The following GALNT13 variants were observed in gnomAD, a reference collection of about 807,000 sequenced individuals.
GALNT13 encodes UDP-GalNAc:polypeptide N-acetylgalactosaminyltransferase 13.
A neutral mutation model predicts 64.2 loss-of-function variants in GALNT13; 28 were observed. The observed-to-expected ratio is 0.44, with a 90% confidence interval of 0.32 to 0.60. The LOEUF is 0.60. Among genes scored for constraint, GALNT13 ranks in the 20% least tolerant of loss-of-function variants. The pLI is 0.05. For missense variants in GALNT13, 577 were observed against 669.8 expected (o/e 0.86, Z 1.53); for synonymous variants, 214 against 224.6 (o/e 0.95, Z 0.42).
intron 11 of GALNT13, among the ~76,000 whole-genome samples, chr2:154,413,320 A>G (rs1215742469): frequency 6.6e-6 from 1 of 151,940 alleles, no homozygotes; most frequent in Non-Finnish European, 1.5e-5. Flanking sequence ...CAACACTTCT[A>G]TGGAAAAATG....
chr2:154,396,172 C>CA (rs1351047672), intron 10 of GALNT13, 42 bp downstream of exon 10: 5 of 1,390,800 alleles, frequency 3.6e-6, no homozygotes, highest in Admixed American at 2.5e-5. Flanking sequence ...ATATATTTTG[C>CA]AAATGGAGCA....
intron 3 of GALNT13, among the ~76,000 whole-genome samples, chr2:154,041,712 A>G (rs940140390): frequency 3.5e-5 from 5 of 140,902 alleles, no homozygotes; most frequent in African/African-American, 1.2e-4. Flanking sequence ...GATATGAAGT[A>G]TAATTTGTAT....
the GALNT13 span, among the ~76,000 whole-genome samples, chr2:153,084,544 G>A: frequency 0.034 from 5,188 of 152,160 alleles, 173 homozygotes; most frequent in East Asian, 0.16. Context: ...TCAAGGGCAG[G>A]GCCAGGTGGA....
At chr2:153,838,142 G>A in the GALNT13 span, among the ~76,000 whole-genome samples, 7 of 151,666 alleles carry the variant, frequency 4.6e-5, no homozygotes, top group South Asian at 2.1e-4. Context: ...TATATATTTC[G>A]AATGTTAAAC....
the GALNT13 span, among the ~76,000 whole-genome samples, chr2:153,396,815 A>C: frequency 6.6e-6 from 1 of 152,114 alleles, no homozygotes; most frequent in Non-Finnish European, 1.5e-5. Flanking sequence ...GGAGAATTTC[A>C]GTTTATTAGG....
the GALNT13 span, among the ~76,000 whole-genome samples, chr2:153,632,576 G>C: frequency 6.6e-6 from 1 of 152,058 alleles, no homozygotes; most frequent in African/African-American, 2.4e-5. Context: ...CACTCCCTCT[G>C]TAGTTTTACT....
At chr2:153,361,380 C>A in the GALNT13 span, among the ~76,000 whole-genome samples, 1 of 152,022 alleles carries the variant, frequency 6.6e-6, no homozygotes, top group Non-Finnish European at 1.5e-5. Flanking sequence ...AATGAATTGA[C>A]AGAAGTACGC....
the GALNT13 span, among the ~76,000 whole-genome samples, chr2:153,350,641 C>T: frequency 4.6e-5 from 7 of 152,006 alleles, no homozygotes; most frequent in African/African-American, 1.5e-4. Flanking sequence ...CCTCAGCTTC[C>T]CAAAGTGCTG....
intron 9 of GALNT13, among the ~76,000 whole-genome samples, chr2:154,350,821 G>C (rs950356548): frequency 6.6e-6 from 1 of 152,138 alleles, no homozygotes; most frequent in African/African-American, 2.4e-5. Flanking sequence ...GGAAGGCAGT[G>C]GGGACCAGGC....
chr2:153,846,832 G>A, the GALNT13 span, among the ~76,000 whole-genome samples: 2 of 152,108 alleles, frequency 1.3e-5, no homozygotes, highest in African/African-American at 4.8e-5. Flanking sequence ...AAACCAAGTA[G>A]GGCATAATTT....
chr2:153,793,166 G>T, the GALNT13 span, among the ~76,000 whole-genome samples: 11 of 151,836 alleles, frequency 7.2e-5, no homozygotes, highest in African/African-American at 2.2e-4. Context: ...TAGAGACGGG[G>T]TTTCACCATG....
At chr2:153,539,270 T>C in the GALNT13 span, among the ~76,000 whole-genome samples, 4 of 152,286 alleles carry the variant, frequency 2.6e-5, no homozygotes, top group South Asian at 2.1e-4. Flanking sequence ...TTGTTTGAGT[T>C]CATTGTAGAT....
chr2:153,262,827 A>G, the GALNT13 span, among the ~76,000 whole-genome samples: 1 of 152,170 alleles, frequency 6.6e-6, no homozygotes, highest in Non-Finnish European at 1.5e-5. Context: ...ATTTATTACA[A>G]ACCCAGAACA....
the GALNT13 span, among the ~76,000 whole-genome samples, chr2:153,809,587 C>T: frequency 1.1e-4 from 17 of 152,248 alleles, 1 homozygote; most frequent in East Asian, 2.1e-3. Flanking sequence ...TATGCCCACC[C>T]CTAAACCAAT....
chr2:153,144,271 G>C, the GALNT13 span, among the ~76,000 whole-genome samples: 1 of 151,878 alleles, frequency 6.6e-6, no homozygotes, highest in African/African-American at 2.4e-5. Flanking sequence ...AAGGAGAATG[G>C]AGATCTAGTA....
At chr2:153,357,073 G>T in the GALNT13 span, among the ~76,000 whole-genome samples, 1 of 152,120 alleles carries the variant, frequency 6.6e-6, no homozygotes, top group Admixed American at 6.5e-5. Context: ...CTCCCAAAGT[G>T]CTGGGATTAC....
chr2:154,098,295 C>G (rs1702176457), intron 3 of GALNT13, among the ~76,000 whole-genome samples: 2 of 151,738 alleles, frequency 1.3e-5, no homozygotes, highest in South Asian at 4.1e-4. Flanking sequence ...TGTTTTATCC[C>G]CTGATTATCT....
the GALNT13 span, among the ~76,000 whole-genome samples, chr2:153,240,983 T>C: frequency 1.3e-5 from 2 of 152,064 alleles, no homozygotes; most frequent in African/African-American, 4.8e-5. Flanking sequence ...ATCAGAAAGA[T>C]TTCAGGGAGA....
chr2:154,103,129 C>T lies in GALNT13; in HGVS notation c.143-37208C>T, dbSNP rs560209453. Among the ~76,000 whole-genome samples the T allele has an allele frequency of 1.1e-4, 17 of 152,000 alleles. 1 individual carries two copies. In the South Asian group the frequency reaches 3.3e-3, roughly 30 times the overall value. On this transcript the variant is annotated intron_variant, in intron 3 of 12. Transcript: ENST00000392825. ...CAAATTTCTTTTTCTTATTATCCCTCAGGAATGCCTGTAAGTCATAGGTTT... is the reference window on the plus strand; with the variant it reads ...CAAATTTCTTTTTCTTATTATCCCTTAGGAATGCCTGTAAGTCATAGGTTT...
Sources: gnomAD v4.1 joint callset for allele counts (sites outside exome capture counted in the v4.1 genomes callset) on GRCh38, gnomAD v4.1.1 for gene constraint, MANE v1.5 for transcripts, NCBI Gene and HGNC (gene_info 2026-07-23, HGNC 2026-07-21) for gene names.